RERE: variants seen among roughly 807,000 people sequenced by gnomAD.
The protein encoded by RERE is arginine-glutamic acid dipeptide repeats, also known as arginine-glutamic acid dipeptide repeats protein.
RERE carries 40 observed loss-of-function variants against 146.1 expected under a neutral mutation model. That is an observed-to-expected ratio of 0.27 (90% confidence interval 0.21 to 0.36). RERE has a LOEUF of 0.36. RERE is among the 10% of genes least tolerant of loss of function. The pLI, the probability that RERE is intolerant of heterozygous loss-of-function variation, is 1.00. For synonymous variants in RERE, 1,003 were observed against 866.0 expected (o/e 1.16, Z -2.78); for missense variants, 1,933 against 2,138.7 (o/e 0.90, Z 1.90).
chr1:8,547,443 A>G (rs1473353910), intron 6 of RERE, among the ~76,000 whole-genome samples: 7 of 152,192 alleles, frequency 4.6e-5, no homozygotes, highest in African/African-American at 9.6e-5. Flanking sequence ...TTTACACAAT[A>G]AAAAATACAA....
At chr1:8,486,755 T>TAAAAAAAAAAA (rs33956517) in intron 10 of RERE, among the ~76,000 whole-genome samples, 86 of 121,932 alleles carry the variant, frequency 7.1e-4, no homozygotes, top group Middle Eastern at 4.3e-3. Flanking sequence ...GAGTCCATCT[T>TAAAAAAAAAAA]AAAAAAAAAA....
chr1:8,695,524 C>T (rs1303197269), intron 1 of RERE, among the ~76,000 whole-genome samples: 1 of 132,502 alleles, frequency 7.5e-6, no homozygotes, highest in African/African-American at 2.8e-5. Context: ...CCCAGGGGGG[C>T]GGATCACCTG....
intron 10 of RERE, among the ~76,000 whole-genome samples, chr1:8,490,493 G>C (rs1163406272): frequency 6.7e-6 from 1 of 150,342 alleles, no homozygotes; most frequent in Non-Finnish European, 1.5e-5. Flanking sequence ...CAACAATGTT[G>C]AAAAAACTTT....
intron 1 of RERE, among the ~76,000 whole-genome samples, chr1:8,770,581 C>T (rs11121227): frequency 0.2 from 30,403 of 151,934 alleles, 3,449 homozygotes; most frequent in Middle Eastern, 0.27. Flanking sequence ...CTTAACAATC[C>T]ATGAAGAACA....
intron 1 of RERE, among the ~76,000 whole-genome samples, chr1:8,781,290 AG>A (rs1217589187): frequency 1.3e-5 from 2 of 150,046 alleles, no homozygotes; most frequent in Non-Finnish European, 3.0e-5. Flanking sequence ...CTGGAGATGG[AG>A]GTTGCAGTGA....
chr1:8,437,564 G>A (rs1006037027), intron 11 of RERE, among the ~76,000 whole-genome samples: 1 of 152,082 alleles, frequency 6.6e-6, no homozygotes, highest in African/African-American at 2.4e-5. Context: ...GGCTGGTAAT[G>A]GGCCCCACCA....
intron 19 of RERE, 21 bp from the exon 20 acceptor site, chr1:8,358,937 G>GTT: frequency 6.6e-7 from 1 of 1,507,594 alleles, no homozygotes; most frequent in South Asian, 1.3e-5. Context: ...AAAAGAAAGC[G>GTT]TGAGGGGTCC....
intron 2 of RERE, among the ~76,000 whole-genome samples, chr1:8,632,027 C>T (rs1647041702): frequency 6.6e-6 from 1 of 152,044 alleles, no homozygotes; most frequent in Non-Finnish European, 1.5e-5. Context: ...ACGACTCATC[C>T]CCTCCCCCAA....
At chr1:8,374,578 C>T (rs1642167714) in intron 12 of RERE, among the ~76,000 whole-genome samples, 1 of 152,200 alleles carries the variant, frequency 6.6e-6, no homozygotes, top group African/African-American at 2.4e-5. Flanking sequence ...CAGCTCTTCC[C>T]TGGGCCGGCC....
At chr1:8,526,567 T>C (rs548312828) in intron 7 of RERE, among the ~76,000 whole-genome samples, 9 of 152,128 alleles carry the variant, frequency 5.9e-5, no homozygotes, top group Middle Eastern at 3.4e-3. Flanking sequence ...GATGGTATTG[T>C]GAGCAGGGTA....
chr1:8,462,780 C>T lies in RERE; in HGVS notation c.1203+3145G>A, dbSNP rs1363917707. Among the ~76,000 whole-genome samples the T allele has an allele frequency of 2.0e-5, 3 of 152,208 alleles. No homozygotes were observed. The East Asian group carries it at 5.8e-4, about 29-fold the overall frequency. On this transcript the variant is annotated intron_variant, in intron 11 of 22. Coordinates refer to ENST00000400908, the MANE Select transcript of RERE (RefSeq NM_001042681.2). ...TAAGTAGCCAGGCATTGTGGCTTGC[C>T]TGTAGTCCCAGCTGCTCAGAGGCTG... is the stretch of plus-strand genomic sequence containing the variant.
At chr1:8,691,087 G>C (rs6682498) in intron 1 of RERE, among the ~76,000 whole-genome samples, 124,971 of 151,888 alleles carry the variant, frequency 0.82, 51,613 homozygotes, top group East Asian at 0.94. Flanking sequence ...TAGTACAGAC[G>C]GGGTTTTACC....
intron 3 of RERE, among the ~76,000 whole-genome samples, chr1:8,619,070 T>G (rs1646888571): frequency 6.6e-6 from 1 of 152,182 alleles, no homozygotes; most frequent in Non-Finnish European, 1.5e-5. Context: ...GATATGGTAT[T>G]AAACGATAAA....
At chr1:8,582,347 G>A (rs1280749532) in intron 4 of RERE, among the ~76,000 whole-genome samples, 1 of 151,286 alleles carries the variant, frequency 6.6e-6, no homozygotes, top group Non-Finnish European at 1.5e-5. Flanking sequence ...TTAATGACTG[G>A]GACTATAGGT....
intron 7 of RERE, among the ~76,000 whole-genome samples, chr1:8,521,574 C>A (rs1444848994): frequency 6.6e-6 from 1 of 152,126 alleles, no homozygotes; most frequent in Non-Finnish European, 1.5e-5. Flanking sequence ...GAATTAATAA[C>A]AATAATGTAC....
At chr1:8,753,399 C>T (rs914510730) in intron 1 of RERE, 2 of 152,072 alleles carry the variant, frequency 1.3e-5, no homozygotes, top group Non-Finnish European at 2.9e-5. Context: ...ATCAGAAATT[C>T]AGATTTTTAA....
chr1:8,449,853 T>C (rs964337549), intron 11 of RERE, among the ~76,000 whole-genome samples: 9 of 152,222 alleles, frequency 5.9e-5, no homozygotes, highest in Non-Finnish European at 1.0e-4. Flanking sequence ...GAATGATCAG[T>C]GGTATCATTT....
intron 4 of RERE, among the ~76,000 whole-genome samples, chr1:8,579,298 T>C (rs11121202): frequency 0.6 from 91,290 of 152,038 alleles, 27,912 homozygotes; most frequent in East Asian, 0.83. Flanking sequence ...AAGAAAACTT[T>C]AATAGCTGAC....
rs1641305949 is a variant in RERE, at chr1:8,356,644, C to T, written c.4340-398G>A. On this transcript the variant is annotated intron_variant, in intron 20 of 22. Coordinates refer to ENST00000400908, the MANE Select transcript of RERE (RefSeq NM_001042681.2). This position sits in a 1 kb window ranked among gnomAD's most constrained non-coding sequence, Gnocchi z 5.2. Reference sequence around the variant, plus strand: ...TGGGTGTTGGGCTGGCACCCCCTGCCCAGGGCTGTCTCCCTGCTCTTCACT... The same window carrying T: ...TGGGTGTTGGGCTGGCACCCCCTGCTCAGGGCTGTCTCCCTGCTCTTCACT... Among the ~76,000 whole-genome samples, 1 of 152,174 alleles carries T rather than the reference C, an allele frequency of 6.6e-6. No homozygotes were observed. The highest frequency in any genetic ancestry group is 1.5e-5 in the Non-Finnish European group (1 of 68,030).
Sources: allele counts gnomAD v4.1 joint callset (sites outside exome capture counted in the v4.1 genomes callset), GRCh38; gene constraint gnomAD v4.1.1; non-coding constraint Gnocchi (gnomAD v3.1); transcripts MANE v1.5; gene names NCBI Gene and HGNC (gene_info 2026-07-23, HGNC 2026-07-21).